SLC5A11: variants seen among roughly 807,000 people sequenced by gnomAD.
SLC5A11 encodes solute carrier family 5 member 11.
A neutral mutation model predicts 69.8 loss-of-function variants in SLC5A11; 48 were observed. The observed-to-expected ratio is 0.69, with a 90% CI of 0.55 to 0.87. The LOEUF is 0.87. Among genes scored for constraint, SLC5A11 ranks in the 40% least tolerant of loss-of-function variants. SLC5A11 has a pLI of 0.00. For missense variants in SLC5A11, 784 were observed against 866.1 expected (o/e 0.91, Z 1.19); for synonymous variants, 319 against 342.4 (o/e 0.93, Z 0.75).
At chr16:24,909,510 C>T (rs1476917313) in intron 14 of SLC5A11, among the ~76,000 whole-genome samples, 2 of 151,842 alleles carry the variant, frequency 1.3e-5, no homozygotes, top group African/African-American at 4.8e-5. Context: ...CGTGATGGCT[C>T]ATGCCTGTAA....
chr16:24,857,907 A>C (rs1379950376), intron 1 of SLC5A11, among the ~76,000 whole-genome samples: 2 of 152,186 alleles, frequency 1.3e-5, no homozygotes, highest in Admixed American at 6.6e-5. Context: ...ATTTCCTTAA[A>C]TTGCCCATGG....
chr16:24,863,720 AG>A (rs2046743350), intron 3 of SLC5A11, among the ~76,000 whole-genome samples: 3 of 152,178 alleles, frequency 2.0e-5, no homozygotes, highest in Admixed American at 6.5e-5. Flanking sequence ...GCAATAATTC[AG>A]GAAGCATTTA....
chr16:24,877,098 C>T (rs756268588), intron 6 of SLC5A11, 160 bp from the exon 8 acceptor site: 10 of 1,488,054 alleles, frequency 6.7e-6, no homozygotes, highest in Non-Finnish European at 8.9e-6. Context: ...GCTGAAGACC[C>T]CTGATCTGGG....
At chr16:24,890,398 C>T (rs569409023) in intron 8 of SLC5A11, among the ~76,000 whole-genome samples, 5 of 141,130 alleles carry the variant, frequency 3.5e-5, no homozygotes, top group Admixed American at 7.7e-5. Flanking sequence ...GCAGGAGAAT[C>T]GTTTGAACCT....
exon 6 of SLC5A11, chr16:24,875,685 T>A: frequency 2.5e-6 from 4 of 1,613,982 alleles, no homozygotes; most frequent in Non-Finnish European, 3.4e-6. Context: ...ATCCCCATCA[T>A]CCTGGCTGTA....
exon 10 of SLC5A11, chr16:24,897,988 G>C (rs144367553): frequency 3.1e-6 from 5 of 1,613,924 alleles, no homozygotes; most frequent in Non-Finnish European, 4.2e-6. Flanking sequence ...TTGTCCAGCG[G>C]ACTCTGGCTG....
intron 7 of SLC5A11, among the ~76,000 whole-genome samples, chr16:24,882,668 T>C (rs931925482): frequency 5.9e-5 from 9 of 152,204 alleles, no homozygotes; most frequent in Non-Finnish European, 2.9e-5. Context: ...TCTTTTGAGA[T>C]GGAGTCTCGC....
intron 6 of SLC5A11, 55 bp downstream of exon 7, chr16:24,875,786 C>A: frequency 7.2e-7 from 1 of 1,389,854 alleles, no homozygotes; most frequent in Non-Finnish European, 1.0e-6. Flanking sequence ...GAAGATAAGG[C>A]ACAGATCATT....
At chr16:24,907,656 C>T (rs2050167003) in intron 12 of SLC5A11, among the ~76,000 whole-genome samples, 1 of 150,952 alleles carries the variant, frequency 6.6e-6, no homozygotes, top group Non-Finnish European at 1.5e-5. Flanking sequence ...TGCAGTGAGC[C>T]AAGATGACGC....
At chr16:24,859,822 T>C (rs182764444) in intron 2 of SLC5A11, among the ~76,000 whole-genome samples, 1 of 152,326 alleles carries the variant, frequency 6.6e-6, no homozygotes, top group East Asian at 1.9e-4. Context: ...TTTGGATTGT[T>C]TCCAATCTCT....
intron 9 of SLC5A11, among the ~76,000 whole-genome samples, chr16:24,894,055 T>C (rs1341270211): frequency 6.6e-6 from 1 of 152,176 alleles, no homozygotes; most frequent in Non-Finnish European, 1.5e-5. Context: ...GCTAGACACC[T>C]GAAAAGCAAG....
At chr16:24,911,358 T>C in exon 16 of SLC5A11, 2 of 1,613,958 alleles carry the variant, frequency 1.2e-6, no homozygotes, top group South Asian at 2.2e-5. Context: ...TCCAAAGTGG[T>C]GAAGGCCATC....
rs919749791 is a variant in SLC5A11, at chr16:24,864,134, T to C, written c.207+1462T>C. Among the ~76,000 whole-genome samples, 4 of 152,140 alleles carry C rather than the reference T, an allele frequency of 2.6e-5. No individual in the cohort carries two copies. The South Asian group carries it at 8.3e-4, about 31-fold the overall frequency. ...GGAAGTGAGATGCACATAGGGTGCTTTGAAAAACTCAGACATATTTCTGGG... is the reference window on the plus strand; with the variant it reads ...GGAAGTGAGATGCACATAGGGTGCTCTGAAAAACTCAGACATATTTCTGGG... On this transcript the variant is annotated intron_variant, in intron 3 of 15. Coordinates refer to ENST00000347898, the Ensembl canonical transcript of SLC5A11.
chr16:24,870,425 C>CA (rs201617560), intron 4 of SLC5A11, among the ~76,000 whole-genome samples: 3,253 of 124,454 alleles, frequency 0.026, 69 homozygotes, highest in Admixed American at 0.055. Context: ...CAAAACAAAA[C>CA]AAAAAAAACA....
rs191740396 is a variant in SLC5A11 at position 24,867,443 on chromosome 16, C to G, written c.208-2458C>G. On this transcript the variant is annotated intron_variant, in intron 3 of 15. Transcript: ENST00000347898. ...AAAGATGTCAAACCAATTACCTCAT[C>G]TTTTACATTAAGAAACTAAAAAAGA... Among the ~76,000 whole-genome samples the G allele has an allele frequency of 5.3e-4, 81 of 152,170 alleles. 1 individual carries two copies. The East Asian group carries it at 0.011, about 21-fold the overall frequency.
exon 16 of SLC5A11, chr16:24,911,483 C>T: frequency 3.1e-6 from 5 of 1,614,158 alleles, no homozygotes; most frequent in Non-Finnish European, 4.2e-6. Context: ...GGACGTCAAC[C>T]TCATTTTCTG....
chr16:24,861,034 A>C (rs2059750226), intron 2 of SLC5A11, among the ~76,000 whole-genome samples: 1 of 152,156 alleles, frequency 6.6e-6, no homozygotes, highest in Non-Finnish European at 1.5e-5. Context: ...TTTATCTTAC[A>C]ATGAATGAGG....
intron 9 of SLC5A11, among the ~76,000 whole-genome samples, chr16:24,891,393 C>T (rs1651161418): frequency 6.7e-6 from 1 of 149,538 alleles, no homozygotes; most frequent in African/African-American, 2.5e-5. Flanking sequence ...TAGCTCACAG[C>T]AGCCTTCATC....
At chr16:24,892,108 T>A (rs924148362) in intron 9 of SLC5A11, among the ~76,000 whole-genome samples, 1 of 141,970 alleles carries the variant, frequency 7.0e-6, no homozygotes, top group Non-Finnish European at 1.5e-5. Flanking sequence ...GCAGCTGGAG[T>A]CCCAGCTACT....
Sources: allele counts gnomAD v4.1 joint callset (sites outside exome capture counted in the v4.1 genomes callset), GRCh38; gene constraint gnomAD v4.1.1; transcripts MANE v1.5; gene names NCBI Gene and HGNC (gene_info 2026-07-23, HGNC 2026-07-21).